Variants in CDH4 observed in about 807,000 individuals in gnomAD.
CDH4 encodes the protein cadherin-4.
CDH4 carries 33 observed loss-of-function variants against 86.0 expected under a neutral mutation model. The observed-to-expected ratio is 0.38, with a 90% confidence interval of 0.29 to 0.51. The LOEUF (loss-of-function observed/expected upper bound fraction) is 0.51, where lower values mean the gene tolerates loss of function less well. CDH4 is among the 20% of genes least tolerant of loss of function. The probability of loss-of-function intolerance (pLI) is 0.86; values close to 1 mark genes in which losing one functional copy is unlikely to be tolerated. For missense variants in CDH4, 1,114 were observed against 1,307.4 expected (o/e 0.85, Z 2.28); for synonymous variants, 555 against 549.4 (o/e 1.01, Z -0.14).
intron 2 of CDH4, among the ~76,000 whole-genome samples, chr20:61,280,320 G>T (rs946575865): frequency 2.6e-5 from 4 of 152,222 alleles, no homozygotes; most frequent in African/African-American, 9.6e-5. Context: ...ACTGCCTTTT[G>T]TTCAAACATA....
At chr20:61,670,712 T>G (rs2087376850) in intron 2 of CDH4, among the ~76,000 whole-genome samples, 1 of 152,198 alleles carries the variant, frequency 6.6e-6, no homozygotes, top group South Asian at 2.1e-4. Flanking sequence ...TTCCCATGAC[T>G]TCTGTGGCCA....
At chr20:61,855,796 T>C (rs1200413370) in intron 6 of CDH4, among the ~76,000 whole-genome samples, 1 of 152,216 alleles carries the variant, frequency 6.6e-6, no homozygotes, top group Non-Finnish European at 1.5e-5. Context: ...CCAGAGGACA[T>C]GTTGATGCCG....
At chr20:61,868,829 G>A (rs34186757) in intron 6 of CDH4, among the ~76,000 whole-genome samples, 22,124 of 150,512 alleles carry the variant, frequency 0.15, 2,285 homozygotes, top group Non-Finnish European at 0.22. Context: ...AGGGGAGGGC[G>A]GGAGACGGGG....
rs1043986229 is a variant in CDH4, at chr20:61,269,519, C to T, written c.169+14582C>T. ...GGCCTGGAAGACCCAGCAGGGTGAT[C>T]CGTGTCCCTGTGTATGGAGGCACCA... On this transcript the variant is annotated intron_variant, in intron 2 of 15. Transcript: ENST00000614565. This position sits in a 1 kb window ranked among gnomAD's most constrained non-coding sequence, Gnocchi z 5.3. 2.6e-5 allele frequency among the ~76,000 whole-genome samples: 4 copies of T among 152,118 alleles called. No individual in the cohort carries two copies. Among genetic ancestry groups the T allele is most frequent in the Admixed American group, 6.5e-5 (1 of 15,278 alleles).
intron 2 of CDH4, among the ~76,000 whole-genome samples, chr20:61,701,492 A>G (rs1176161852): frequency 1.3e-5 from 2 of 152,218 alleles, no homozygotes; most frequent in Non-Finnish European, 2.9e-5. Flanking sequence ...TGCAGCTGGC[A>G]GTGCCATGGC....
chr20:61,309,925 G>T (rs892764189), intron 2 of CDH4, among the ~76,000 whole-genome samples: 3 of 152,212 alleles, frequency 2.0e-5, no homozygotes, highest in Non-Finnish European at 4.4e-5. Flanking sequence ...TGTGGCAGGG[G>T]CTGGCCAGGT....
chr20:61,414,882 A>C (rs1000517323), intron 2 of CDH4, among the ~76,000 whole-genome samples: 7 of 152,172 alleles, frequency 4.6e-5, no homozygotes, highest in Non-Finnish European at 8.8e-5. Context: ...CTCTTCAGTG[A>C]GATGCCTGTG....
intron 2 of CDH4, among the ~76,000 whole-genome samples, chr20:61,331,252 G>A (rs2084571022): frequency 6.6e-6 from 1 of 151,942 alleles, no homozygotes; most frequent in South Asian, 2.1e-4. Context: ...ACCCTGGGAT[G>A]AGGCCCTCCC....
At chr20:61,272,204 G>C (rs912640372) in intron 2 of CDH4, among the ~76,000 whole-genome samples, 31 of 152,288 alleles carry the variant, frequency 2.0e-4, no homozygotes, top group Middle Eastern at 3.4e-3. Flanking sequence ...GATTCTAAAA[G>C]GAGGATTCTG....
At chr20:61,578,550 TGTACCA>T (rs1415884710) in intron 2 of CDH4, among the ~76,000 whole-genome samples, 6 of 152,212 alleles carry the variant, frequency 3.9e-5, no homozygotes, top group African/African-American at 1.4e-4. Context: ...ATTTTCCACA[TGTACCA>T]GTAACCACAG....
At chr20:61,566,172 A>C (rs2086296459) in intron 2 of CDH4, among the ~76,000 whole-genome samples, 1 of 152,148 alleles carries the variant, frequency 6.6e-6, no homozygotes, top group African/African-American at 2.4e-5. Flanking sequence ...GCATGGTCCC[A>C]GGGCTTCCTG....
chr20:61,905,167 C>A (rs1032330467), intron 8 of CDH4, among the ~76,000 whole-genome samples: 1 of 152,198 alleles, frequency 6.6e-6, no homozygotes, highest in Non-Finnish European at 1.5e-5. Context: ...TCCCAAGGGG[C>A]CTGAGAGGCT....
chr20:61,626,711 G>A (rs1178423717), intron 2 of CDH4, among the ~76,000 whole-genome samples: 1 of 152,172 alleles, frequency 6.6e-6, no homozygotes, highest in Non-Finnish European at 1.5e-5. Context: ...CAGCTTGGTT[G>A]CTCGTGTTGA....
rs1327271360 is a variant in CDH4 at position 61,252,842 on chromosome 20, G to C, written c.57+272G>C. Among the ~76,000 whole-genome samples, 1 of 151,812 alleles carries C rather than the reference G, an allele frequency of 6.6e-6. No homozygotes were observed. The highest frequency in any genetic ancestry group is 2.1e-4 in the South Asian group (1 of 4,834). ...GCTCCGCCTGCACCGGACCCGCCGA[G>C]CCTCCCTCGAACGCCCAAAGCCCGT... On this transcript the variant is annotated intron_variant, in intron 1 of 15. Coordinates refer to ENST00000614565, the MANE Select transcript of CDH4 (RefSeq NM_001794.5). This position sits in a 1 kb window ranked among gnomAD's most constrained non-coding sequence, Gnocchi z 4.4.
rs563779149 is a variant in CDH4 at position 61,469,879 on chromosome 20, G to C, written c.169+214942G>C. On this transcript the variant is annotated intron_variant, in intron 2 of 15. Transcript: ENST00000614565. ...AAAATGTGTTCACTGAAGGTATGTG[G>C]ATTTGTTTCTGGGTTATCTCTTCTG... Among the ~76,000 whole-genome samples the C allele has an allele frequency of 9.6e-4, 146 of 152,200 alleles. 1 individual carries two copies. Among genetic ancestry groups the C allele is most frequent in the African/African-American group, 3.0e-3 (125 of 41,554 alleles).
At chr20:61,889,484 GTGAGTGGATGATGGA>G (rs1323215761) in intron 7 of CDH4, among the ~76,000 whole-genome samples, 4 of 11,830 alleles carry the variant, frequency 3.4e-4, no homozygotes, top group Non-Finnish European at 8.0e-4. Context: ...TGATGGATGA[GTGAGTGGATGATGGA>G]TGGATGATGG....
chr20:61,726,685 G>A (rs2088115681), intron 2 of CDH4, among the ~76,000 whole-genome samples: 1 of 148,692 alleles, frequency 6.7e-6, no homozygotes, highest in Non-Finnish European at 1.5e-5. Context: ...CACCATCAGA[G>A]CCATCATCAC....
chr20:61,323,102 T>C (rs2084517642), intron 2 of CDH4, among the ~76,000 whole-genome samples: 1 of 152,008 alleles, frequency 6.6e-6, no homozygotes, highest in Non-Finnish European at 1.5e-5. Flanking sequence ...CAAATTTGAG[T>C]ATTAGGAATG....
chr20:61,882,250 G>A (rs1427001581), intron 7 of CDH4, among the ~76,000 whole-genome samples: 1 of 152,236 alleles, frequency 6.6e-6, no homozygotes, highest in East Asian at 1.9e-4. Flanking sequence ...TTTGCACGTG[G>A]GCGGTGCCAC....
Sources: gnomAD v4.1 joint callset for allele counts (sites outside exome capture counted in the v4.1 genomes callset) on GRCh38, gnomAD v4.1.1 for gene constraint, Gnocchi (gnomAD v3.1) non-coding constraint, MANE v1.5 for transcripts, NCBI Gene and HGNC (gene_info 2026-07-23, HGNC 2026-07-21) for gene names.